Variants in RAD51B observed in about 807,000 individuals in gnomAD.
RAD51B encodes DNA repair protein RAD51 homolog 2.
Under a neutral mutation model 42.2 loss-of-function variants are expected in RAD51B, and 38 were observed. The ratio of observed to expected loss-of-function variants is 0.90; its 90% CI spans 0.70 to 1.18. The LOEUF (loss-of-function observed/expected upper bound fraction) is 1.18, where lower values mean the gene tolerates loss of function less well. Among genes scored for constraint, RAD51B ranks in the 50% most tolerant of loss-of-function variants. The pLI, the probability that RAD51B is intolerant of heterozygous loss-of-function variation, is 0.00. For missense variants in RAD51B, 373 were observed against 400.7 expected, an observed-to-expected ratio of 0.93 and a Z score of 0.59; for synonymous variants, 154 against 145.2, an observed-to-expected ratio of 1.06 and a Z score of -0.43.
intron 10 of RAD51B, among the ~76,000 whole-genome samples, chr14:68,559,540 C>G (rs886910384): frequency 1.3e-5 from 2 of 152,020 alleles, no homozygotes; most frequent in African/African-American, 4.8e-5. Context: ...TCCACCACAC[C>G]CGGCTAATTT....
At chr14:68,479,279 A>C (rs962320318), downstream of RAD51B, among the ~76,000 whole-genome samples, 3 of 152,224 alleles carry the variant, frequency 2.0e-5, no homozygotes, top group African/African-American at 7.2e-5. Context: ...AATTTCAGAC[A>C]TCAAGGGACT....
chr14:68,283,797 A>G (rs960892517), intron 7 of RAD51B, among the ~76,000 whole-genome samples: 1 of 152,236 alleles, frequency 6.6e-6, no homozygotes, highest in Non-Finnish European at 1.5e-5. Context: ...GCCGGCCCAC[A>G]GTTTCCACTG....
At chr14:67,833,232 C>T (rs566490812) in intron 3 of RAD51B, among the ~76,000 whole-genome samples, 8 of 152,110 alleles carry the variant, frequency 5.3e-5, no homozygotes, top group South Asian at 2.1e-4. Flanking sequence ...AAAAATTAGC[C>T]GGGTCTGGTG....
At chr14:68,661,606 A>C (rs1190794383) in intron 11 of RAD51B, among the ~76,000 whole-genome samples, 1 of 152,136 alleles carries the variant, frequency 6.6e-6, no homozygotes, top group Non-Finnish European at 1.5e-5. Context: ...GAGCGGATGC[A>C]CTCCATCATG....
intron 7 of RAD51B, among the ~76,000 whole-genome samples, chr14:68,105,238 A>C (rs755978980): frequency 3.3e-5 from 5 of 151,996 alleles, no homozygotes; most frequent in Non-Finnish European, 7.4e-5. Flanking sequence ...AGCTTCGGAC[A>C]ATTTACCTAA....
chr14:68,132,106 T>C (rs2077904688), intron 7 of RAD51B, among the ~76,000 whole-genome samples: 1 of 152,192 alleles, frequency 6.6e-6, no homozygotes, highest in South Asian at 2.1e-4. Context: ...GCCAAAGTTA[T>C]CACACTCCAG....
chr14:68,233,024 T>A (rs1465650578), intron 7 of RAD51B, among the ~76,000 whole-genome samples: 1 of 152,080 alleles, frequency 6.6e-6, no homozygotes, highest in Non-Finnish European at 1.5e-5. Flanking sequence ...GATGCTGGGA[T>A]GTGGGCTATA....
intron 10 of RAD51B, among the ~76,000 whole-genome samples, chr14:68,591,558 C>A (rs1361390229): frequency 2.0e-5 from 3 of 152,168 alleles, no homozygotes; most frequent in African/African-American, 7.2e-5. Flanking sequence ...ACTTGAGGAG[C>A]CTGATGGGTC....
chr14:68,080,323 A>G (rs1002821496), intron 7 of RAD51B, among the ~76,000 whole-genome samples: 1 of 152,118 alleles, frequency 6.6e-6, no homozygotes, highest in South Asian at 2.1e-4. Context: ...ATAATGTCCA[A>G]TTGTATATGT....
chr14:68,117,000 T>C (rs1317356129), intron 7 of RAD51B, among the ~76,000 whole-genome samples: 1 of 152,220 alleles, frequency 6.6e-6, no homozygotes. Context: ...CCTTGGAAGG[T>C]AACAATGTTA....
chr14:68,681,677 C>T lies in RAD51B; in HGVS notation c.*11+30821C>T, dbSNP rs886634847. Among the ~76,000 whole-genome samples, 16 of 152,252 alleles carry T rather than the reference C, an allele frequency of 1.1e-4. No homozygotes were observed. In the South Asian group the frequency reaches 2.1e-3, roughly 20 times the overall value. On this transcript the variant is annotated intron_variant, in intron 11 of 11. Transcript: ENST00000488612. ...GGGCAAACTTGGAAGCAAAACCAGC[C>T]TCCCAAACACCTGTGTAATATCGTG...
chr14:67,951,417 T>C (rs1400972913), intron 7 of RAD51B, among the ~76,000 whole-genome samples: 1 of 152,190 alleles, frequency 6.6e-6, no homozygotes, highest in Non-Finnish European at 1.5e-5. Flanking sequence ...AATTAAACAT[T>C]AAATGGTTTA....
intron 7 of RAD51B, among the ~76,000 whole-genome samples, chr14:68,122,869 T>C (rs115723601): frequency 6.6e-6 from 1 of 152,214 alleles, no homozygotes; most frequent in Non-Finnish European, 1.5e-5. Flanking sequence ...GAAGAAGTTC[T>C]GCAGTGGTAA....
intron 10 of RAD51B, among the ~76,000 whole-genome samples, chr14:68,561,280 G>C (rs139483559): frequency 1.3e-5 from 2 of 152,168 alleles, no homozygotes; most frequent in Non-Finnish European, 2.9e-5. Flanking sequence ...GGATCATTTA[G>C]GGGGCTTATT....
intron 7 of RAD51B, among the ~76,000 whole-genome samples, chr14:68,026,461 T>C (rs1167057974): frequency 1.3e-5 from 2 of 152,122 alleles, no homozygotes; most frequent in African/African-American, 4.8e-5. Flanking sequence ...AGTCCCCCTC[T>C]ATTTTTGTTT....
intron 7 of RAD51B, among the ~76,000 whole-genome samples, chr14:67,960,243 G>A (rs996971854): frequency 6.6e-6 from 1 of 152,180 alleles, no homozygotes; most frequent in Non-Finnish European, 1.5e-5. Context: ...AAGTTGAATT[G>A]CTTGTTCAAA....
chr14:68,129,117 A>C (rs12883031), intron 7 of RAD51B, among the ~76,000 whole-genome samples: 1 of 152,188 alleles, frequency 6.6e-6, no homozygotes, highest in Non-Finnish European at 1.5e-5. Context: ...ATAGATGAGG[A>C]GATCGGCTCT....
At chr14:68,504,379 T>C (rs1885133955) in intron 10 of RAD51B, among the ~76,000 whole-genome samples, 1 of 152,234 alleles carries the variant, frequency 6.6e-6, no homozygotes, top group East Asian at 1.9e-4. Context: ...CATATGCACA[T>C]TCTTTAATTT....
intron 9 of RAD51B, among the ~76,000 whole-genome samples, chr14:68,415,447 A>T (rs1448579661): frequency 6.6e-6 from 1 of 152,210 alleles, no homozygotes; most frequent in African/African-American, 2.4e-5. Flanking sequence ...GTCACTGTGT[A>T]ACTAGTTGCG....
Sources: allele counts gnomAD v4.1 joint callset (sites outside exome capture counted in the v4.1 genomes callset), GRCh38; gene constraint gnomAD v4.1.1; transcripts MANE v1.5; gene names NCBI Gene and HGNC (gene_info 2026-07-23, HGNC 2026-07-21).